The following PPP1R12A variants were observed in gnomAD, a reference collection of about 807,000 sequenced individuals.
PPP1R12A encodes myosin binding subunit.
PPP1R12A carries 19 observed loss-of-function variants against 139.6 expected under a neutral mutation model. That is an observed-to-expected ratio of 0.14 (90% CI 0.09 to 0.20). The LOEUF is 0.20. Ranked by LOEUF, PPP1R12A falls within the 10% of genes least tolerant of loss-of-function variation. PPP1R12A has a pLI of 1.00. For missense variants in PPP1R12A, 925 were observed against 1,211.5 expected (o/e 0.76, Z 3.51); for synonymous variants, 427 against 420.6 (o/e 1.02, Z -0.19).
rs58319454 is a variant in PPP1R12A, at chr12:79,899,233, AATATATATATATATATATATATAT to A, written c.238-26319_238-26296del. Among the ~76,000 whole-genome samples, 742 of 141,908 alleles carry A rather than the reference AATATATATATATATATATATATAT, an allele frequency of 5.2e-3. 7 individuals are homozygous for A. The highest frequency in any genetic ancestry group is 0.013 in the South Asian group (56 of 4,272). The allele number at this position is 141,908 out of a possible 152,430, so 93.1% of individuals were successfully genotyped here. A position where few individuals can be genotyped will look rare whatever the true frequency, so the allele number is the denominator to read the frequency against. On this transcript the variant is annotated intron_variant, in intron 1 of 24. Transcript: ENST00000450142. ...TACAATGAAATGCAGAGATCTTAAA[AATATATATATATATATATATATAT>A]ATATATATATATATATATATATATA...
chr12:79,907,366 A>G (rs1886214593), intron 1 of PPP1R12A, among the ~76,000 whole-genome samples: 1 of 152,174 alleles, frequency 6.6e-6, no homozygotes, highest in South Asian at 2.1e-4. Context: ...TTCTTTAAAA[A>G]TTGGGGGGGA....
intron 1 of PPP1R12A, among the ~76,000 whole-genome samples, chr12:79,915,521 G>C (rs1043726071): frequency 8.6e-5 from 13 of 151,872 alleles, no homozygotes; most frequent in Non-Finnish European, 1.6e-4. Flanking sequence ...TTATTATACT[G>C]TTGTCAGACA....
chr12:79,822,066 C>T (rs1876184874), intron 6 of PPP1R12A, 50 bp downstream of exon 6: 1 of 1,288,694 alleles, frequency 7.8e-7, no homozygotes, highest in Admixed American at 2.2e-5. Context: ...GTCTCAAATT[C>T]AAAATTATTA....
At chr12:79,822,264 TAATTTTATATAAA>T in intron 5 of PPP1R12A, 74 bp from the exon 6 acceptor site, 1 of 1,045,370 alleles carries the variant, frequency 9.6e-7, no homozygotes, top group Non-Finnish European at 1.4e-6. Flanking sequence ...TAATTCTGTA[TAATTTTATATAAA>T]GACGTTGGAT....
At chr12:79,835,859 ATGCCAGCTACTAT>A (rs1878011695) in intron 3 of PPP1R12A, among the ~76,000 whole-genome samples, 1 of 152,212 alleles carries the variant, frequency 6.6e-6, no homozygotes, top group African/African-American at 2.4e-5. Flanking sequence ...CTCTGCTGTC[ATGCCAGCTACTAT>A]CCTCTACCTG....
intron 2 of PPP1R12A, among the ~76,000 whole-genome samples, chr12:79,851,415 T>C (rs1275087347): frequency 6.6e-6 from 1 of 152,260 alleles, no homozygotes; most frequent in Non-Finnish European, 1.5e-5. Context: ...CCTCAGACCT[T>C]TGAAAGTTTT....
intron 1 of PPP1R12A, among the ~76,000 whole-genome samples, chr12:79,880,941 T>C (rs1592762031): frequency 4.6e-5 from 7 of 152,176 alleles, no homozygotes; most frequent in Admixed American, 4.6e-4. Context: ...AGATCTGTTA[T>C]GGTGATTTGT....
intron 23 of PPP1R12A, chr12:79,780,856 A>G (rs754655571): frequency 6.6e-6 from 1 of 152,218 alleles, no homozygotes; most frequent in African/African-American, 2.4e-5. Flanking sequence ...AATGGTAGCT[A>G]TTGCAAGGTA....
intron 20 of PPP1R12A, 131 bp from the exon 21 acceptor site, chr12:79,788,914 T>C (rs536116957): frequency 1.3e-6 from 1 of 760,808 alleles, no homozygotes; most frequent in South Asian, 2.9e-5. Flanking sequence ...ATCTGATTAA[T>C]TTTTGTGATA....
chr12:79,839,740 G>C (rs184181784), intron 3 of PPP1R12A, among the ~76,000 whole-genome samples: 19 of 152,236 alleles, frequency 1.2e-4, no homozygotes, highest in Non-Finnish European at 2.5e-4. Flanking sequence ...TAAGTTTCCT[G>C]ATGTGTTTGC....
At chr12:79,914,501 C>T (rs1190503734) in intron 1 of PPP1R12A, among the ~76,000 whole-genome samples, 1 of 151,970 alleles carries the variant, frequency 6.6e-6, no homozygotes, top group African/African-American at 2.4e-5. Context: ...ATTTCTTTAA[C>T]ATTTGTTTGT....
chr12:79,778,373 C>T (rs879727853), intron 24 of PPP1R12A, 177 bp downstream of exon 24: 19 of 394,556 alleles, frequency 4.8e-5, no homozygotes, highest in Non-Finnish European at 7.5e-5. Context: ...GGGTTTTAGA[C>T]CCTCTTCTGG....
intron 1 of PPP1R12A, among the ~76,000 whole-genome samples, chr12:79,877,204 A>G (rs561780463): frequency 6.6e-6 from 1 of 152,276 alleles, no homozygotes; most frequent in South Asian, 2.1e-4. Flanking sequence ...CATATTTAAA[A>G]TTATTATGTA....
chr12:79,873,044 T>G lies in PPP1R12A; in HGVS notation c.238-106A>C, dbSNP rs1458103250. 10 of 1,194,218 alleles carry G rather than the reference T, an allele frequency of 8.4e-6. No homozygotes were observed. The African/African-American group carries it at 1.4e-4, about 17-fold the overall frequency. The allele number at this position is 1,194,218 out of a possible 1,614,324, so 74.0% of individuals were successfully genotyped here. ...CTTTGTAGCTTTTATAATATAAATA[T>G]TCTCTGTAAATAAATCTGCTGCTAT... On this transcript the variant is annotated intron_variant, in intron 1 of 24. Transcript: ENST00000450142.
At chr12:79,928,568 T>C (rs1888020031) in intron 1 of PPP1R12A, among the ~76,000 whole-genome samples, 1 of 152,236 alleles carries the variant, frequency 6.6e-6, no homozygotes, top group African/African-American at 2.4e-5. Context: ...AGAAATATTT[T>C]ACACTGCACA....
At chr12:79,915,278 T>C (rs1886904487) in intron 1 of PPP1R12A, among the ~76,000 whole-genome samples, 2 of 152,142 alleles carry the variant, frequency 1.3e-5, no homozygotes, top group Non-Finnish European at 1.5e-5. Context: ...ATAAATTTGT[T>C]AACAATTCTA....
intron 18 of PPP1R12A, among the ~76,000 whole-genome samples, chr12:79,794,793 T>G (rs1431981716): frequency 2.6e-5 from 4 of 152,062 alleles, no homozygotes; most frequent in Non-Finnish European, 5.9e-5. Flanking sequence ...TTAAAAAATA[T>G]TTTTATAACA....
intron 1 of PPP1R12A, among the ~76,000 whole-genome samples, chr12:79,904,985 T>C (rs1447050794): frequency 6.6e-6 from 1 of 152,188 alleles, no homozygotes; most frequent in Non-Finnish European, 1.5e-5. Flanking sequence ...AAACCTAAAA[T>C]AGTGAAATTC....
intron 2 of PPP1R12A, among the ~76,000 whole-genome samples, chr12:79,867,299 T>C (rs1882076279): frequency 6.6e-6 from 1 of 151,754 alleles, no homozygotes; most frequent in South Asian, 2.1e-4. Context: ...GATGGGAACA[T>C]CACACACCAG....
Sources: allele counts gnomAD v4.1 joint callset (sites outside exome capture counted in the v4.1 genomes callset), GRCh38; gene constraint gnomAD v4.1.1; transcripts MANE v1.5; gene names NCBI Gene and HGNC (gene_info 2026-07-23, HGNC 2026-07-21).